The following FRMD5 variants were observed in gnomAD, a reference collection of about 807,000 sequenced individuals.
FRMD5 encodes FERM domain containing 5.
A neutral mutation model predicts 69.0 loss-of-function variants in FRMD5; 20 were observed. The observed-to-expected ratio is 0.29, with a 90% CI of 0.20 to 0.42. The LOEUF is 0.42. Ranked by LOEUF, FRMD5 falls within the 10% of genes least tolerant of loss-of-function variation. The pLI, the probability that FRMD5 is intolerant of heterozygous loss-of-function variation, is 1.00. For missense variants in FRMD5, 595 were observed against 708.6 expected (o/e 0.84, Z 1.82); for synonymous variants, 271 against 260.1 (o/e 1.04, Z -0.40).
At chr15:43,879,830 T>G (rs1454848194) in intron 13 of FRMD5, 2 of 395,168 alleles carry the variant, frequency 5.1e-6, no homozygotes, top group East Asian at 7.2e-5. Flanking sequence ...TGGCAGTGCC[T>G]CGCGTGTTGC....
chr15:44,042,986 T>G (rs1485711117), intron 1 of FRMD5, among the ~76,000 whole-genome samples: 1 of 152,192 alleles, frequency 6.6e-6, no homozygotes, highest in Non-Finnish European at 1.5e-5. Context: ...GGAAGTCAAA[T>G]TGTCCCTATT....
At chr15:43,894,295 T>C (rs2088863554) in intron 7 of FRMD5, among the ~76,000 whole-genome samples, 1 of 152,042 alleles carries the variant, frequency 6.6e-6, no homozygotes, top group Non-Finnish European at 1.5e-5. Context: ...TTCTGTCTCT[T>C]CTGCTCACTG....
At chr15:43,954,276 C>A (rs964535612) in intron 1 of FRMD5, among the ~76,000 whole-genome samples, 1 of 152,178 alleles carries the variant, frequency 6.6e-6, no homozygotes, top group African/African-American at 2.4e-5. Context: ...TGTTTGCTTA[C>A]CCAGGAGACG....
intron 1 of FRMD5, among the ~76,000 whole-genome samples, chr15:44,178,268 C>T (rs915096050): frequency 2.6e-5 from 4 of 151,816 alleles, no homozygotes; most frequent in Admixed American, 6.6e-5. Context: ...GAAGTTGCAG[C>T]GAGCGGAGAT....
chr15:44,045,116 CT>C (rs1436300972), intron 1 of FRMD5, among the ~76,000 whole-genome samples: 4 of 152,202 alleles, frequency 2.6e-5, no homozygotes, highest in African/African-American at 9.7e-5. Context: ...TAATCTGACT[CT>C]CCTTCCTACA....
intron 2 of FRMD5, among the ~76,000 whole-genome samples, chr15:43,922,770 G>A (rs1182637231): frequency 6.6e-6 from 1 of 151,312 alleles, no homozygotes; most frequent in African/African-American, 2.4e-5. Flanking sequence ...TCCCGGGTTC[G>A]AGTGATTCTC....
At chr15:44,036,040 T>C (rs892616179) in intron 1 of FRMD5, among the ~76,000 whole-genome samples, 4 of 152,212 alleles carry the variant, frequency 2.6e-5, no homozygotes, top group Admixed American at 2.6e-4. Context: ...GAGAAGCCTC[T>C]GGCCAGAGAA....
At chr15:43,971,028 T>C (rs2090367636) in intron 1 of FRMD5, among the ~76,000 whole-genome samples, 1 of 151,870 alleles carries the variant, frequency 6.6e-6, no homozygotes, top group South Asian at 2.1e-4. Flanking sequence ...GGAAGGCGAA[T>C]CACCTGGCCA....
intron 1 of FRMD5, among the ~76,000 whole-genome samples, chr15:44,186,314 T>C (rs572815865): frequency 6.6e-6 from 1 of 152,304 alleles, no homozygotes; most frequent in African/African-American, 2.4e-5. Context: ...CTAGAGTATT[T>C]GGAATCCTTT....
intron 4 of FRMD5, among the ~76,000 whole-genome samples, chr15:43,916,125 G>A (rs577893239): frequency 2.4e-4 from 37 of 152,262 alleles, no homozygotes; most frequent in Non-Finnish European, 4.9e-4. Flanking sequence ...TGAGAGAGAG[G>A]GGAAAATTGC....
intron 1 of FRMD5, among the ~76,000 whole-genome samples, chr15:44,048,560 G>A (rs1192916045): frequency 6.6e-6 from 1 of 151,892 alleles, no homozygotes; most frequent in East Asian, 1.9e-4. Context: ...TTATTTTGAT[G>A]AAGTCCAATT....
chr15:43,882,995 A>G (rs963720987), intron 13 of FRMD5, among the ~76,000 whole-genome samples: 6 of 149,726 alleles, frequency 4.0e-5, no homozygotes, highest in African/African-American at 1.5e-4. Context: ...TTGGTAGAGA[A>G]GGGGTTTCAC....
chr15:44,059,998 T>C (rs923498814), intron 1 of FRMD5, among the ~76,000 whole-genome samples: 5 of 152,160 alleles, frequency 3.3e-5, no homozygotes, highest in Non-Finnish European at 5.9e-5. Flanking sequence ...TGGCTATTTG[T>C]AGGAAAAGCC....
chr15:44,056,071 A>C (rs975228324), intron 1 of FRMD5, among the ~76,000 whole-genome samples: 1 of 152,174 alleles, frequency 6.6e-6, no homozygotes, highest in Non-Finnish European at 1.5e-5. Flanking sequence ...AACCTTTCCA[A>C]ACAAGTAACT....
intron 7 of FRMD5, among the ~76,000 whole-genome samples, chr15:43,896,599 T>G (rs142488065): frequency 6.6e-6 from 1 of 152,180 alleles, no homozygotes; most frequent in African/African-American, 2.4e-5. Flanking sequence ...AATCAAAGCA[T>G]TGACTGGTTC....
chr15:44,080,957 T>C (rs1233083536), intron 1 of FRMD5, among the ~76,000 whole-genome samples: 1 of 152,110 alleles, frequency 6.6e-6, no homozygotes, highest in Non-Finnish European at 1.5e-5. Context: ...TCCATTTTAC[T>C]ATATGAGCAT....
intron 1 of FRMD5, among the ~76,000 whole-genome samples, chr15:44,135,189 C>G (rs1001855319): frequency 1.3e-5 from 2 of 152,090 alleles, no homozygotes; most frequent in African/African-American, 4.8e-5. Flanking sequence ...TACAACCACC[C>G]TCAATAATTT....
At chr15:44,015,322 T>C (rs1890908199) in intron 1 of FRMD5, among the ~76,000 whole-genome samples, 1 of 152,044 alleles carries the variant, frequency 6.6e-6, no homozygotes, top group Non-Finnish European at 1.5e-5. Context: ...TTTTGGTTTT[T>C]ACAGAGCTGG....
intron 1 of FRMD5, among the ~76,000 whole-genome samples, chr15:44,166,446 G>A (rs1317265005): frequency 6.6e-6 from 1 of 151,990 alleles, no homozygotes; most frequent in Non-Finnish European, 1.5e-5. Flanking sequence ...GTATATCTTT[G>A]GATCTTTTTC....
Sources: allele counts gnomAD v4.1 joint callset (sites outside exome capture counted in the v4.1 genomes callset), GRCh38; gene constraint gnomAD v4.1.1; transcripts MANE v1.5; gene names NCBI Gene and HGNC (gene_info 2026-07-23, HGNC 2026-07-21).